Variants in NME5 observed in about 807,000 individuals in gnomAD.
NME5 encodes the protein NME/NM23 family member 5, also known as nucleoside diphosphate kinase 5.
NME5 carries 18 observed loss-of-function variants against 21.6 expected under a neutral mutation model. The observed-to-expected ratio is 0.83, with a 90% confidence interval of 0.58 to 1.24. The LOEUF (loss-of-function observed/expected upper bound fraction) is 1.24, where lower values mean the gene tolerates loss of function less well. Among genes scored for constraint, NME5 ranks in the 50% most tolerant of loss-of-function variants. The probability of loss-of-function intolerance (pLI) is 0.00; values close to 1 mark genes in which losing one functional copy is unlikely to be tolerated. For synonymous variants in NME5, 70 were observed against 80.6 expected (o/e 0.87, Z 0.71); for missense variants, 223 against 255.4 (o/e 0.87, Z 0.86).
intron 4 of NME5, among the ~76,000 whole-genome samples, chr5:138,119,724 C>G (rs55752652): frequency 0.018 from 2,760 of 150,954 alleles, 91 homozygotes; most frequent in African/African-American, 0.063. Flanking sequence ...GCAGCACAAT[C>G]TCAGTTCACT....
chr5:138,137,546 G>A (rs896390094), intron 2 of NME5, among the ~76,000 whole-genome samples: 2 of 151,250 alleles, frequency 1.3e-5, no homozygotes, highest in Non-Finnish European at 3.0e-5. Flanking sequence ...TCAAACTCCT[G>A]ACCTTATGAT....
intron 2 of NME5, among the ~76,000 whole-genome samples, chr5:138,131,747 T>A (rs986330460): frequency 8.6e-5 from 13 of 152,026 alleles, no homozygotes; most frequent in African/African-American, 1.5e-4. Flanking sequence ...TTTTTTTTTT[T>A]TTATTTTTTT....
In NME5 at chr5:138,138,650, A is replaced by G. The variant is rs1416664417; in HGVS notation, c.129+2T>C. The G allele has an allele frequency of 5.0e-6, 8 of 1,609,454 alleles. No homozygotes were observed. Among genetic ancestry groups the G allele is most frequent in the Non-Finnish European group, 6.8e-6 (8 of 1,178,866 alleles). On this transcript the variant is annotated splice_donor_variant, in intron 2 of 5. Coordinates refer to ENST00000265191, the MANE Select transcript of NME5 (RefSeq NM_003551.3). LOFTEE classifies it high-confidence loss of function. ...GCATGAATCATCATACCCAGAAGTTACCTGAACAATGGTGAATCCGGATCT... is the reference window on the plus strand; with the variant it reads ...GCATGAATCATCATACCCAGAAGTTGCCTGAACAATGGTGAATCCGGATCT...
chr5:138,130,775 A>T (rs1751543853), intron 2 of NME5, among the ~76,000 whole-genome samples: 1 of 151,394 alleles, frequency 6.6e-6, no homozygotes, highest in African/African-American at 2.4e-5. Context: ...AAATACAAAA[A>T]ATTAGCCAGG....
chr5:138,116,522 T>C (rs931119051), intron 5 of NME5: 2 of 152,236 alleles, frequency 1.3e-5, no homozygotes, highest in Admixed American at 6.5e-5. Context: ...AGTGTGGTAA[T>C]GACATCCTTA....
chr5:138,123,552 T>C (rs1443904202), intron 4 of NME5, among the ~76,000 whole-genome samples: 1 of 152,204 alleles, frequency 6.6e-6, no homozygotes, highest in Non-Finnish European at 1.5e-5. Flanking sequence ...ATCTCTTCCT[T>C]TTTAAGGCTG....
rs575587345 is a variant in NME5, at chr5:138,118,493, A to T, written c.555+325T>A. On this transcript the variant is annotated intron_variant, in intron 5 of 5. Coordinates refer to ENST00000265191, the MANE Select transcript of NME5 (RefSeq NM_003551.3). Reference sequence around the variant, plus strand: ...CTACAGACAATTTATAGAAAAAAAAATTTTTTTTTTGAGATGGAGTCTTGC... The same window carrying T: ...CTACAGACAATTTATAGAAAAAAAATTTTTTTTTTTGAGATGGAGTCTTGC... 4.3e-3 allele frequency among the ~76,000 whole-genome samples: 635 copies of T among 147,760 alleles called. 3 individuals carry two copies. Among genetic ancestry groups the T allele is most frequent in the Non-Finnish European group, 5.4e-3 (364 of 66,816 alleles).
intron 4 of NME5, among the ~76,000 whole-genome samples, chr5:138,121,049 G>C (rs886983174): frequency 6.6e-6 from 1 of 151,840 alleles, no homozygotes; most frequent in Non-Finnish European, 1.5e-5. Flanking sequence ...ATTATGAGCT[G>C]GGCACAGTGG....
intron 5 of NME5, among the ~76,000 whole-genome samples, chr5:138,117,850 G>GCA (rs1285067315): frequency 6.6e-6 from 1 of 151,928 alleles, no homozygotes; most frequent in African/African-American, 2.4e-5. Context: ...GGGCGTGGTG[G>GCA]TGTTCGCCTG....
chr5:138,117,541 T>C (rs987092060), intron 5 of NME5, among the ~76,000 whole-genome samples: 5 of 152,066 alleles, frequency 3.3e-5, no homozygotes, highest in Non-Finnish European at 7.4e-5. Context: ...GGCAAAGGAC[T>C]TCAATTTGAA....
At chr5:138,134,930 C>T (rs1304094058) in intron 2 of NME5, among the ~76,000 whole-genome samples, 2 of 149,666 alleles carry the variant, frequency 1.3e-5, no homozygotes, top group Non-Finnish European at 3.0e-5. Flanking sequence ...GTCTCAATCT[C>T]CTGACCTTGT....
At chr5:138,138,912 A>T (rs1014555366) in intron 1 of NME5, 127 bp from the exon 2 acceptor site, 58 of 842,952 alleles carry the variant, frequency 6.9e-5, no homozygotes, top group Non-Finnish European at 1.1e-4. Flanking sequence ...ACTTGATTTT[A>T]TTAACTGATG....
intron 2 of NME5, among the ~76,000 whole-genome samples, chr5:138,135,435 C>A (rs6874360): frequency 1 from 151,444 of 151,458 alleles, 75,715 homozygotes; most frequent in Middle Eastern, 1. Context: ...CCCGGGTTCA[C>A]GCCATTCTCC....
At chr5:138,139,177 G>C (rs1341109875) in intron 1 of NME5, 194 bp downstream of exon 1, 6 of 199,854 alleles carry the variant, frequency 3.0e-5, no homozygotes, top group African/African-American at 1.4e-4. Context: ...GGGGACGGTG[G>C]CTGGTGGGCA....
intron 2 of NME5, among the ~76,000 whole-genome samples, chr5:138,134,535 C>A (rs1240644362): frequency 6.6e-6 from 1 of 152,086 alleles, no homozygotes; most frequent in Non-Finnish European, 1.5e-5. Context: ...TGAGCCACCG[C>A]ACCCAGCCCT....
At chr5:138,135,269 G>A (rs1751671019) in intron 2 of NME5, among the ~76,000 whole-genome samples, 2 of 142,652 alleles carry the variant, frequency 1.4e-5, no homozygotes, top group Non-Finnish European at 3.1e-5. Flanking sequence ...CGTGAGCCGA[G>A]ATTGCGCCAC....
intron 4 of NME5, 115 bp downstream of exon 4, chr5:138,128,361 TAAC>T (rs1751480906): frequency 1.3e-6 from 1 of 779,184 alleles, no homozygotes; most frequent in East Asian, 2.8e-5. Context: ...CTTGAAAACA[TAAC>T]AAAATATACT....
intron 1 of NME5, 149 bp downstream of exon 1, chr5:138,139,222 C>T (rs2151175049): frequency 9.3e-6 from 3 of 323,008 alleles, no homozygotes; most frequent in South Asian, 1.2e-4. Context: ...TGAGCGGCCT[C>T]GGCCAGCTGC....
At chr5:138,121,517 C>T (rs1416654412) in intron 4 of NME5, among the ~76,000 whole-genome samples, 1 of 152,126 alleles carries the variant, frequency 6.6e-6, no homozygotes, top group Non-Finnish European at 1.5e-5. Context: ...GTAACTTGAA[C>T]CATGGTAAGT....
Sources: gnomAD v4.1 joint callset for allele counts (sites outside exome capture counted in the v4.1 genomes callset) on GRCh38, gnomAD v4.1.1 for gene constraint, MANE v1.5 for transcripts, NCBI Gene and HGNC (gene_info 2026-07-23, HGNC 2026-07-21) for gene names.